DACH1: variants seen among roughly 807,000 people sequenced by gnomAD.
DACH1 encodes the protein dachshund family transcription factor 1.
In DACH1, 12 loss-of-function variants were observed where a neutral mutation model predicts 54.2. The observed-to-expected ratio is 0.22, with a 90% CI of 0.14 to 0.36. DACH1 has a LOEUF of 0.36. Among genes scored for constraint, DACH1 ranks in the 10% least tolerant of loss-of-function variants. DACH1 has a pLI of 1.00. For synonymous variants in DACH1, 386 were observed against 366.2 expected, an observed-to-expected ratio of 1.05 and a Z score of -0.62; for missense variants, 805 against 929.8, an observed-to-expected ratio of 0.87 and a Z score of 1.75.
At chr13:71,775,225 C>T (rs1392581004) in intron 1 of DACH1, among the ~76,000 whole-genome samples, 1 of 142,324 alleles carries the variant, frequency 7.0e-6, no homozygotes, top group African/African-American at 2.7e-5. Flanking sequence ...ATTATTTAAG[C>T]CCAGGAGCTT....
At chr13:71,799,858 AT>A (rs1278359042) in intron 1 of DACH1, among the ~76,000 whole-genome samples, 3 of 152,274 alleles carry the variant, frequency 2.0e-5, no homozygotes, top group Admixed American at 6.5e-5. Context: ...GAATCATTAT[AT>A]CTCCATTTTC....
chr13:71,753,300 T>G (rs192629486), intron 1 of DACH1, among the ~76,000 whole-genome samples: 1 of 152,082 alleles, frequency 6.6e-6, no homozygotes. Flanking sequence ...CGCTGCAATA[T>G]AAGAAAAAAG....
At chr13:71,582,061 T>G (rs1566357286) in intron 3 of DACH1, among the ~76,000 whole-genome samples, 4 of 152,264 alleles carry the variant, frequency 2.6e-5, no homozygotes, top group Middle Eastern at 3.4e-3. Context: ...TAAGCCATGA[T>G]GCTTTAAGCA....
chr13:71,550,200 GC>G (rs1883718799), intron 6 of DACH1, among the ~76,000 whole-genome samples: 2 of 152,220 alleles, frequency 1.3e-5, no homozygotes, highest in Admixed American at 1.3e-4. Flanking sequence ...CAAACCACTT[GC>G]TCATTAGCTA....
At chr13:71,784,331 T>G (rs2138075314) in intron 1 of DACH1, among the ~76,000 whole-genome samples, 1 of 152,144 alleles carries the variant, frequency 6.6e-6, no homozygotes, top group East Asian at 1.9e-4. Context: ...AATGGGTAAA[T>G]AATTAAATGT....
At chr13:71,600,371 C>T (rs561961697) in intron 3 of DACH1, among the ~76,000 whole-genome samples, 15 of 152,104 alleles carry the variant, frequency 9.9e-5, no homozygotes, top group African/African-American at 3.4e-4. Flanking sequence ...AAAAGTTTTT[C>T]TAGTTTTTCA....
At chr13:71,522,997 C>A (rs1881712809) in intron 6 of DACH1, among the ~76,000 whole-genome samples, 1 of 152,104 alleles carries the variant, frequency 6.6e-6, no homozygotes, top group Non-Finnish European at 1.5e-5. Flanking sequence ...GTTTATTTCA[C>A]CATTGCTCTG....
chr13:71,598,533 G>A (rs751006364), intron 3 of DACH1, among the ~76,000 whole-genome samples: 35 of 152,092 alleles, frequency 2.3e-4, no homozygotes, highest in Non-Finnish European at 4.1e-4. Context: ...GATTACAGGC[G>A]TGAGCCACTG....
At chr13:71,574,592 A>T (rs1355033538) in intron 3 of DACH1, among the ~76,000 whole-genome samples, 1 of 152,040 alleles carries the variant, frequency 6.6e-6, no homozygotes, top group Non-Finnish European at 1.5e-5. Flanking sequence ...AAGACAGTTA[A>T]GGTTCAATAT....
intron 1 of DACH1, among the ~76,000 whole-genome samples, chr13:71,687,539 G>A (rs1490099576): frequency 6.6e-6 from 1 of 152,142 alleles, no homozygotes. Flanking sequence ...TGAATGGAGA[G>A]TTACTTTTTT....
At chr13:71,485,985 T>G (rs1184402718) in intron 7 of DACH1, among the ~76,000 whole-genome samples, 1 of 151,866 alleles carries the variant, frequency 6.6e-6, no homozygotes, top group African/African-American at 2.4e-5. Flanking sequence ...TTTATAAATT[T>G]AAATTTTAAA....
At chr13:71,605,544 T>C (rs535180737) in intron 3 of DACH1, among the ~76,000 whole-genome samples, 1 of 152,030 alleles carries the variant, frequency 6.6e-6, no homozygotes, top group East Asian at 1.9e-4. Flanking sequence ...CTTCACAGTG[T>C]GAATATTTAT....
At chr13:71,754,850 GAAT>G (rs1430588140) in intron 1 of DACH1, among the ~76,000 whole-genome samples, 1 of 151,974 alleles carries the variant, frequency 6.6e-6, no homozygotes, top group Non-Finnish European at 1.5e-5. Flanking sequence ...CAAAGAGGTA[GAAT>G]AATAAGGCAA....
At chr13:71,731,222 G>T (rs911214272) in intron 1 of DACH1, among the ~76,000 whole-genome samples, 1 of 151,222 alleles carries the variant, frequency 6.6e-6, no homozygotes, top group Non-Finnish European at 1.5e-5. Context: ...TCTATTACTA[G>T]ATTACTAGAA....
chr13:71,717,945 A>G (rs1235986528), intron 1 of DACH1, among the ~76,000 whole-genome samples: 2 of 152,092 alleles, frequency 1.3e-5, no homozygotes, highest in African/African-American at 2.4e-5. Flanking sequence ...TGTTAATTAG[A>G]GTAACCAGAA....
chr13:71,499,811 A>G (rs1057336540), intron 6 of DACH1, among the ~76,000 whole-genome samples: 1 of 152,156 alleles, frequency 6.6e-6, no homozygotes, highest in African/African-American at 2.4e-5. Flanking sequence ...GCCTACAGAT[A>G]GATTCTTCCT....
At chr13:71,840,153 G>A (rs1038038528) in intron 1 of DACH1, among the ~76,000 whole-genome samples, 2 of 151,966 alleles carry the variant, frequency 1.3e-5, no homozygotes, top group Non-Finnish European at 2.9e-5. Flanking sequence ...TCACTGTGTT[G>A]GCTAGGCTGG....
At chr13:71,668,687 G>A (rs1462162468) in intron 2 of DACH1, among the ~76,000 whole-genome samples, 1 of 151,976 alleles carries the variant, frequency 6.6e-6, no homozygotes, top group African/African-American at 2.4e-5. Context: ...CACTTTGAGA[G>A]GCTGAGGCAG....
At chr13:71,556,605 T>A (rs1593888740) in intron 6 of DACH1, among the ~76,000 whole-genome samples, 1 of 152,146 alleles carries the variant, frequency 6.6e-6, no homozygotes, top group East Asian at 1.9e-4. Context: ...TAAAATATAT[T>A]TCTGTTTCCT....
Sources: allele counts gnomAD v4.1 joint callset (sites outside exome capture counted in the v4.1 genomes callset), GRCh38; gene constraint gnomAD v4.1.1; transcripts MANE v1.5; gene names NCBI Gene and HGNC (gene_info 2026-07-23, HGNC 2026-07-21).